Variants in SLC8A1 observed in about 807,000 individuals in gnomAD.
SLC8A1 encodes sodium/calcium exchanger 1.
In SLC8A1, 18 loss-of-function variants were observed where a neutral mutation model predicts 68.3. The ratio of observed to expected loss-of-function variants is 0.26; its 90% confidence interval spans 0.18 to 0.39. SLC8A1 has a LOEUF of 0.39. Among genes scored for constraint, SLC8A1 ranks in the 10% least tolerant of loss-of-function variants. The probability of loss-of-function intolerance (pLI) is 1.00; values close to 1 mark genes in which losing one functional copy is unlikely to be tolerated. For missense variants in SLC8A1, 985 were observed against 1,156.7 expected, an observed-to-expected ratio of 0.85 and a Z score of 2.15; for synonymous variants, 475 against 415.5, an observed-to-expected ratio of 1.14 and a Z score of -1.74.
intron 7 of SLC8A1, among the ~76,000 whole-genome samples, chr2:40,127,368 C>CAGCCTCAA (rs2038345621): frequency 1.3e-5 from 2 of 152,196 alleles, no homozygotes; most frequent in Admixed American, 1.3e-4. Flanking sequence ...ACTTCCAGCG[C>CAGCCTCAA]AGCCTCAAAC....
chr2:40,300,891 A>T (rs2071333094), intron 2 of SLC8A1, among the ~76,000 whole-genome samples: 2 of 152,208 alleles, frequency 1.3e-5, no homozygotes, highest in Non-Finnish European at 1.5e-5. Flanking sequence ...TGAGTTACCA[A>T]CACATTTCTC....
intron 2 of SLC8A1, among the ~76,000 whole-genome samples, chr2:40,229,375 A>T (rs1210174670): frequency 6.6e-6 from 1 of 152,146 alleles, no homozygotes; most frequent in East Asian, 1.9e-4. Flanking sequence ...ACAGATACCA[A>T]TCACAACTTG....
At chr2:40,490,921 A>G (rs539263597) in intron 1 of SLC8A1, among the ~76,000 whole-genome samples, 1 of 152,266 alleles carries the variant, frequency 6.6e-6, no homozygotes, top group East Asian at 1.9e-4. Flanking sequence ...AGGAATAATG[A>G]AGAATTGACA....
chr2:40,228,714 C>A (rs1333155053), intron 2 of SLC8A1, among the ~76,000 whole-genome samples: 5 of 152,114 alleles, frequency 3.3e-5, no homozygotes, highest in African/African-American at 1.2e-4. Flanking sequence ...ATGTTGAACG[C>A]AGAAATGGTA....
At chr2:40,401,567 C>CAAAAAAAAAA (rs3060361) in intron 2 of SLC8A1, among the ~76,000 whole-genome samples, 55 of 93,998 alleles carry the variant, frequency 5.9e-4, no homozygotes, top group East Asian at 1.7e-3. Context: ...ATAGGCCAGT[C>CAAAAAAAAAA]AAAAAAAAAA....
At chr2:40,328,985 T>C (rs879620178) in intron 2 of SLC8A1, among the ~76,000 whole-genome samples, 4 of 151,796 alleles carry the variant, frequency 2.6e-5, no homozygotes, top group Admixed American at 2.0e-4. Flanking sequence ...TCCAGACACA[T>C]TAATGTATCC....
chr2:40,456,118 C>A (rs903225892), upstream of SLC8A1, among the ~76,000 whole-genome samples: 2 of 152,014 alleles, frequency 1.3e-5, no homozygotes, highest in South Asian at 4.2e-4. Flanking sequence ...AGATCGAGAC[C>A]ATCCTGGCTA....
intron 1 of SLC8A1, among the ~76,000 whole-genome samples, chr2:40,471,328 C>A (rs570418792): frequency 6.6e-6 from 1 of 152,232 alleles, no homozygotes; most frequent in East Asian, 1.9e-4. Flanking sequence ...ACCTCAGCTG[C>A]ATTTCCTTCT....
chr2:40,300,895 A>C (rs2071334366), intron 2 of SLC8A1, among the ~76,000 whole-genome samples: 1 of 152,198 alleles, frequency 6.6e-6, no homozygotes, highest in African/African-American at 2.4e-5. Flanking sequence ...TTACCAACAC[A>C]TTTCTCACAC....
At chr2:40,346,320 C>T (rs926953615) in intron 2 of SLC8A1, among the ~76,000 whole-genome samples, 1 of 152,084 alleles carries the variant, frequency 6.6e-6, no homozygotes, top group Non-Finnish European at 1.5e-5. Flanking sequence ...CAATTTCTTA[C>T]CACATAATGA....
chr2:40,503,848 A>C (rs1409170971), intron 1 of SLC8A1, among the ~76,000 whole-genome samples: 1 of 152,044 alleles, frequency 6.6e-6, no homozygotes, highest in Non-Finnish European at 1.5e-5. Context: ...CATGGATTGG[A>C]AGAACCAATA....
intron 2 of SLC8A1, among the ~76,000 whole-genome samples, chr2:40,348,959 T>G (rs1442028121): frequency 6.6e-6 from 1 of 152,196 alleles, no homozygotes; most frequent in Non-Finnish European, 1.5e-5. Context: ...ATAAATGATT[T>G]CTTAATTTCG....
At chr2:40,495,742 T>C (rs1410457110) in intron 1 of SLC8A1, among the ~76,000 whole-genome samples, 4 of 152,088 alleles carry the variant, frequency 2.6e-5, no homozygotes, top group Non-Finnish European at 5.9e-5. Flanking sequence ...TGACTGAATT[T>C]ACATGTCTTG....
intron 2 of SLC8A1, among the ~76,000 whole-genome samples, chr2:40,261,062 G>A (rs1161974032): frequency 1.3e-5 from 2 of 152,196 alleles, no homozygotes; most frequent in East Asian, 3.9e-4. Flanking sequence ...ATGCATGATG[G>A]AAGCAATGGA....
At chr2:40,123,456 C>T (rs1227099793) in intron 7 of SLC8A1, among the ~76,000 whole-genome samples, 1 of 152,162 alleles carries the variant, frequency 6.6e-6, no homozygotes, top group Non-Finnish European at 1.5e-5. Flanking sequence ...TTACACTCTG[C>T]CACTCACATA....
intron 2 of SLC8A1, among the ~76,000 whole-genome samples, chr2:40,338,379 G>A (rs1666688036): frequency 6.6e-6 from 1 of 152,160 alleles, no homozygotes; most frequent in South Asian, 2.1e-4. Context: ...GTGTATGACT[G>A]TGTGTGTATG....
intron 2 of SLC8A1, among the ~76,000 whole-genome samples, chr2:40,226,857 G>A (rs1485456062): frequency 2.6e-5 from 4 of 152,156 alleles, no homozygotes; most frequent in African/African-American, 4.8e-5. Context: ...GGCAAGTGTA[G>A]TAACACTGCT....
intron 2 of SLC8A1, among the ~76,000 whole-genome samples, chr2:40,303,778 T>C (rs575751671): frequency 6.6e-6 from 1 of 152,302 alleles, no homozygotes; most frequent in Admixed American, 6.5e-5. Context: ...TTCTGGGTTT[T>C]CCAGACCTCA....
chr2:40,154,305 T>C (rs1307546096), intron 6 of SLC8A1, among the ~76,000 whole-genome samples: 2 of 124,038 alleles, frequency 1.6e-5, no homozygotes, highest in Non-Finnish European at 1.7e-5. Flanking sequence ...TATTCTTTTT[T>C]TTTTTTTTTT....
Sources: gnomAD v4.1 joint callset for allele counts (sites outside exome capture counted in the v4.1 genomes callset) on GRCh38, gnomAD v4.1.1 for gene constraint, MANE v1.5 for transcripts, NCBI Gene and HGNC (gene_info 2026-07-23, HGNC 2026-07-21) for gene names.